GABBR2: variants seen among roughly 807,000 people sequenced by gnomAD.
The protein encoded by GABBR2 is gamma-aminobutyric acid type B receptor subunit 2.
Under a neutral mutation model 105.6 loss-of-function variants are expected in GABBR2, and 23 were observed. The observed-to-expected ratio is 0.22, with a 90% CI of 0.16 to 0.31. GABBR2 has a LOEUF of 0.31. Among genes scored for constraint, GABBR2 ranks in the 10% least tolerant of loss-of-function variants. The pLI, the probability that GABBR2 is intolerant of heterozygous loss-of-function variation, is 1.00. For missense variants in GABBR2, 734 were observed against 1,245.5 expected (o/e 0.59, Z 6.18); for synonymous variants, 478 against 499.7 (o/e 0.96, Z 0.58).
intron 1 of GABBR2, among the ~76,000 whole-genome samples, chr9:98,627,821 C>A (rs941773545): frequency 6.6e-6 from 1 of 152,224 alleles, no homozygotes; most frequent in Non-Finnish European, 1.5e-5. Context: ...TAGTCTAGCG[C>A]CTCTATTTGA....
At chr9:98,375,408 G>A (rs1404111412) in intron 11 of GABBR2, 3 of 151,984 alleles carry the variant, frequency 2.0e-5, no homozygotes. Context: ...TGCTCTGCTG[G>A]TCACACAGAG....
At chr9:98,692,383 C>T (rs966606931) in intron 1 of GABBR2, among the ~76,000 whole-genome samples, 4 of 152,234 alleles carry the variant, frequency 2.6e-5, no homozygotes, top group Admixed American at 6.5e-5. Flanking sequence ...GAGCGCCTCC[C>T]TGGGCCACCT....
chr9:98,668,895 G>A (rs1343735393), intron 1 of GABBR2, among the ~76,000 whole-genome samples: 1 of 150,470 alleles, frequency 6.6e-6, no homozygotes, highest in Non-Finnish European at 1.5e-5. Flanking sequence ...GTGTGTGTGT[G>A]TGTGTGTGTG....
rs1243590274 is a variant in GABBR2, at chr9:98,609,051, A to C, written c.322-30979T>G. ...GCCTCTTGAAGAGAAAAAAGTCACC[A>C]TTCTGCATTTAGCTGTAATCATATA... On this transcript the variant is annotated intron_variant, in intron 1 of 18. Transcript: ENST00000259455. Among the ~76,000 whole-genome samples the C allele has an allele frequency of 2.0e-5, 3 of 152,316 alleles. No individual in the cohort carries two copies. In the South Asian group the frequency reaches 6.2e-4, roughly 32 times the overall value.
intron 1 of GABBR2, among the ~76,000 whole-genome samples, chr9:98,621,891 T>C (rs1158721077): frequency 6.6e-6 from 1 of 152,046 alleles, no homozygotes; most frequent in African/African-American, 2.4e-5. Flanking sequence ...ACATCAAGAA[T>C]CTGAAAATCA....
chr9:98,479,362 AT>A (rs1826864161), intron 5 of GABBR2, among the ~76,000 whole-genome samples: 1 of 152,178 alleles, frequency 6.6e-6, no homozygotes, highest in African/African-American at 2.4e-5. Context: ...AGGTGTTACA[AT>A]CCCCATTTTA....
intron 13 of GABBR2, among the ~76,000 whole-genome samples, chr9:98,343,524 T>C (rs1051828647): frequency 6.6e-6 from 1 of 152,062 alleles, no homozygotes; most frequent in Non-Finnish European, 1.5e-5. Context: ...ATGTACTGAG[T>C]TTACTTTTGG....
intron 7 of GABBR2, among the ~76,000 whole-genome samples, chr9:98,423,108 G>A (rs1832813245): frequency 6.6e-6 from 1 of 152,148 alleles, no homozygotes; most frequent in East Asian, 1.9e-4. Context: ...ATGATTTATA[G>A]TCCTTTGGGT....
intron 2 of GABBR2, among the ~76,000 whole-genome samples, chr9:98,545,770 T>A (rs375964185): frequency 6.6e-6 from 1 of 152,190 alleles, no homozygotes; most frequent in African/African-American, 2.4e-5. Flanking sequence ...AACCCGGGTC[T>A]ATAGGACCCT....
chr9:98,684,380 TATA>T (rs1830594886), intron 1 of GABBR2, among the ~76,000 whole-genome samples: 1 of 152,184 alleles, frequency 6.6e-6, no homozygotes, highest in African/African-American at 2.4e-5. Context: ...AAATTACTTC[TATA>T]ATAAGATAAA....
At chr9:98,583,491 T>G (rs115619937) in intron 1 of GABBR2, among the ~76,000 whole-genome samples, 261 of 152,370 alleles carry the variant, frequency 1.7e-3, no homozygotes, top group African/African-American at 6.1e-3. Context: ...GAACACTTAA[T>G]TTTAAAGCAG....
At chr9:98,336,055 CAG>C (rs1831109435) in intron 13 of GABBR2, among the ~76,000 whole-genome samples, 1 of 152,146 alleles carries the variant, frequency 6.6e-6, no homozygotes, top group Non-Finnish European at 1.5e-5. Context: ...GATGGAGAAA[CAG>C]GGGAGGTGAG....
chr9:98,469,258 A>C (rs963475000), intron 6 of GABBR2, among the ~76,000 whole-genome samples: 1 of 152,236 alleles, frequency 6.6e-6, no homozygotes, highest in Non-Finnish European at 1.5e-5. Flanking sequence ...AACCTTCTTC[A>C]CAAGGCAGAA....
rs530783946 is a variant in GABBR2, at chr9:98,474,012, G to A, written c.799-666C>T. ...ATGCCACTTGGCAAACCGAGAAGTCGCTCTGAATCTTTATCCAAAACACAG... is the reference window on the plus strand; with the variant it reads ...ATGCCACTTGGCAAACCGAGAAGTCACTCTGAATCTTTATCCAAAACACAG... On this transcript the variant is annotated intron_variant, in intron 5 of 18. Coordinates refer to ENST00000259455, the MANE Select transcript of GABBR2 (RefSeq NM_005458.8). Among the ~76,000 whole-genome samples, 6 of 152,204 alleles carry A rather than the reference G, an allele frequency of 3.9e-5. No individual in the cohort carries two copies. In the South Asian group the frequency reaches 1.0e-3, roughly 26 times the overall value.
At chr9:98,582,588 G>A (rs1829017201) in intron 1 of GABBR2, among the ~76,000 whole-genome samples, 1 of 152,162 alleles carries the variant, frequency 6.6e-6, no homozygotes, top group Non-Finnish European at 1.5e-5. Flanking sequence ...CAGCAGCATA[G>A]AAAGCAAATA....
chr9:98,594,849 C>T (rs1588243553), intron 1 of GABBR2, among the ~76,000 whole-genome samples: 2 of 152,196 alleles, frequency 1.3e-5, no homozygotes, highest in African/African-American at 2.4e-5. Flanking sequence ...GGCAGAAGCT[C>T]GAGCCCTTTG....
At chr9:98,700,045 G>A (rs1830809728) in intron 1 of GABBR2, among the ~76,000 whole-genome samples, 1 of 152,174 alleles carries the variant, frequency 6.6e-6, no homozygotes, top group Admixed American at 6.5e-5. Context: ...CTGGAGAAGG[G>A]GAATGCCTTC....
At chr9:98,350,329 A>G (rs1421344582) in intron 13 of GABBR2, among the ~76,000 whole-genome samples, 1 of 151,954 alleles carries the variant, frequency 6.6e-6, no homozygotes, top group Non-Finnish European at 1.5e-5. Context: ...GAGGTGCATC[A>G]TTAGGTTATT....
At chr9:98,597,111 G>T (rs967369274) in intron 1 of GABBR2, among the ~76,000 whole-genome samples, 2 of 152,158 alleles carry the variant, frequency 1.3e-5, no homozygotes, top group African/African-American at 4.8e-5. Context: ...GCCAAGCACT[G>T]CATTGTGAAC....
Sources: gnomAD v4.1 joint callset for allele counts (sites outside exome capture counted in the v4.1 genomes callset) on GRCh38, gnomAD v4.1.1 for gene constraint, MANE v1.5 for transcripts, NCBI Gene and HGNC (gene_info 2026-07-23, HGNC 2026-07-21) for gene names.